The following DNAJC1 variants were observed in gnomAD, a reference collection of about 807,000 sequenced individuals.
DNAJC1 encodes DnaJ heat shock protein family (Hsp40) member C1, also known as dnaJ homolog subfamily C member 1.
Under a neutral mutation model 76.6 loss-of-function variants are expected in DNAJC1, and 58 were observed. The ratio of observed to expected loss-of-function variants is 0.76; its 90% CI spans 0.61 to 0.94. The LOEUF (loss-of-function observed/expected upper bound fraction) is 0.94. Ranked by LOEUF, DNAJC1 falls within the 40% of genes least tolerant of loss-of-function variation. DNAJC1 has a pLI of 0.00. For missense variants in DNAJC1, 689 were observed against 677.3 expected (o/e 1.02, Z -0.19); for synonymous variants, 258 against 267.9 (o/e 0.96, Z 0.36).
chr10:21,756,754 T>C lies in DNAJC1; in HGVS notation c.1598A>G (p.Glu533Gly). 1.2e-6 allele frequency: 2 copies of C among 1,613,056 alleles called. No individual in the cohort carries two copies. Among genetic ancestry groups the C allele is most frequent in the Non-Finnish European group, 1.7e-6 (2 of 1,179,918 alleles). ...CAACTTGTACCTAGCGATACAGTCTTCCTGTAGGAAGAAAAAAAGAGAGGT... is the reference window on the plus strand; with the variant it reads ...CAACTTGTACCTAGCGATACAGTCTCCCTGTAGGAAGAAAAAAAGAGAGGT... ...IARCVPSKSK[E>G]DCIARYKLLV... The change falls in exon 12 of 12, where the codon GAA becomes GGA. Residue 533 changes from glutamate to glycine, a missense_variant and splice_region_variant. Transcript: ENST00000376980.
chr10:21,794,211 AG>A (rs1311051414), intron 9 of DNAJC1, among the ~76,000 whole-genome samples: 1 of 148,542 alleles, frequency 6.7e-6, no homozygotes, highest in Non-Finnish European at 1.5e-5. Context: ...TCAAAGTTTC[AG>A]TTATCTATGA....
intron 9 of DNAJC1, among the ~76,000 whole-genome samples, chr10:21,788,778 C>T (rs1345818578): frequency 2.6e-5 from 4 of 152,164 alleles, no homozygotes; most frequent in Admixed American, 6.5e-5. Flanking sequence ...AAGCCATATC[C>T]TGGCCTAGGC....
intron 8 of DNAJC1, among the ~76,000 whole-genome samples, chr10:21,861,935 T>A (rs1046592595): frequency 6.6e-6 from 1 of 152,110 alleles, no homozygotes; most frequent in Non-Finnish European, 1.5e-5. Flanking sequence ...TTATTTATTT[T>A]GAGATGGAGT....
intron 1 of DNAJC1, among the ~76,000 whole-genome samples, chr10:21,977,814 T>C (rs1564843247): frequency 6.6e-6 from 1 of 152,154 alleles, no homozygotes; most frequent in African/African-American, 2.4e-5. Flanking sequence ...TCCTAATCAG[T>C]GTTTTCTCTC....
intron 8 of DNAJC1, among the ~76,000 whole-genome samples, chr10:21,839,005 G>C (rs1590007116): frequency 1.3e-5 from 2 of 152,192 alleles, no homozygotes; most frequent in African/African-American, 2.4e-5. Flanking sequence ...TGACTACTGG[G>C]TAAATAAAGA....
chr10:21,821,359 C>T lies in DNAJC1; in HGVS notation c.979-15260G>A, dbSNP rs563955388. Among the ~76,000 whole-genome samples the T allele has an allele frequency of 2.1e-3, 315 of 152,282 alleles. 1 individual carries two copies. The highest frequency in any genetic ancestry group is 3.7e-3 in the Non-Finnish European group (249 of 68,020). On this transcript the variant is annotated intron_variant, in intron 8 of 11. Coordinates refer to ENST00000376980, the MANE Select transcript of DNAJC1 (RefSeq NM_022365.4). ...ATATATACAGTGGTATATAGTTTTA[C>T]TAAAATTACATTATATTATGATGGC...
At chr10:21,893,375 C>G (rs184020825) in intron 7 of DNAJC1, among the ~76,000 whole-genome samples, 1 of 152,176 alleles carries the variant, frequency 6.6e-6, no homozygotes, top group Admixed American at 6.5e-5. Flanking sequence ...AGCTGTAATT[C>G]GAGCACTTTG....
At chr10:21,757,897 T>G (rs1233840502) in intron 11 of DNAJC1, among the ~76,000 whole-genome samples, 1 of 152,204 alleles carries the variant, frequency 6.6e-6, no homozygotes, top group African/African-American at 2.4e-5. Context: ...TATGAGTTTC[T>G]GGGTGTTCTA....
chr10:22,003,360 C>T lies in DNAJC1; in HGVS notation c.75G>A (p.Pro25=). Residue 25 remains proline, a synonymous_variant, in exon 1 of 12, where the codon CCG becomes CCA. Coordinates refer to ENST00000376980, the MANE Select transcript of DNAJC1 (RefSeq NM_022365.4). Reference sequence around the variant, plus strand: ...GCCACAGCAGCGGCGTCCGCGGCGGCGGCGGCGGGAACGGCACCAGCCCGA... The same window carrying T: ...GCCACAGCAGCGGCGTCCGCGGCGGTGGCGGCGGGAACGGCACCAGCCCGA... ...RQLGLVPFPP[P]PPRTPLLWLL... 1 of 1,413,210 alleles carries T rather than the reference C, an allele frequency of 7.1e-7. No homozygotes were observed. The highest frequency in any genetic ancestry group is 9.2e-7 in the Non-Finnish European group (1 of 1,087,330). The allele number at this position is 1,413,210 out of a possible 1,614,324, so 87.5% of individuals were successfully genotyped here.
At chr10:21,834,845 G>A (rs915700945) in intron 8 of DNAJC1, among the ~76,000 whole-genome samples, 3 of 152,166 alleles carry the variant, frequency 2.0e-5, no homozygotes, top group Non-Finnish European at 2.9e-5. Flanking sequence ...GAACAGGGTG[G>A]AGCCCACCAC....
chr10:21,844,864 T>G (rs792458), intron 8 of DNAJC1, among the ~76,000 whole-genome samples: 85,443 of 152,002 alleles, frequency 0.56, 26,607 homozygotes, highest in East Asian at 0.95. Context: ...AGACCCTGTC[T>G]CTGCAAAAAA....
At chr10:21,762,766 C>T (rs540181745) in intron 10 of DNAJC1, among the ~76,000 whole-genome samples, 2 of 152,112 alleles carry the variant, frequency 1.3e-5, no homozygotes, top group Non-Finnish European at 2.9e-5. Flanking sequence ...TACACCATCA[C>T]GCCTGGCTGT....
intron 6 of DNAJC1, among the ~76,000 whole-genome samples, chr10:21,905,867 A>G (rs1004073269): frequency 8.5e-5 from 13 of 152,190 alleles, no homozygotes; most frequent in Admixed American, 2.0e-4. Context: ...TTCTCAGACC[A>G]TAAGATTCCT....
At chr10:21,877,242 T>C (rs1252212818) in intron 8 of DNAJC1, among the ~76,000 whole-genome samples, 1 of 151,892 alleles carries the variant, frequency 6.6e-6, no homozygotes, top group Non-Finnish European at 1.5e-5. Flanking sequence ...TCACTGTCCT[T>C]CAGCCTGAGT....
chr10:21,806,228 A>T (rs1478672675), intron 8 of DNAJC1, 129 bp from the exon 9 acceptor site: 1 of 987,942 alleles, frequency 1.0e-6, no homozygotes, highest in African/African-American at 1.6e-5. Flanking sequence ...TTTCTGTAAA[A>T]AACAATACTA....
intron 9 of DNAJC1, among the ~76,000 whole-genome samples, chr10:21,805,439 GACACACACACAC>G (rs10657199): frequency 7.0e-6 from 1 of 142,862 alleles, no homozygotes; most frequent in Admixed American, 7.1e-5. Context: ...GTTACGTATG[GACACACACACAC>G]ACACACACAC....
chr10:21,961,810 T>C (rs1837796625), intron 1 of DNAJC1, among the ~76,000 whole-genome samples: 1 of 152,168 alleles, frequency 6.6e-6, no homozygotes. Flanking sequence ...GTCTTTTAAA[T>C]GGCATCTGAA....
chr10:21,776,643 T>G (rs1448189599), intron 9 of DNAJC1, among the ~76,000 whole-genome samples: 1 of 152,164 alleles, frequency 6.6e-6, no homozygotes, highest in Non-Finnish European at 1.5e-5. Context: ...TGTTTCCAAC[T>G]GGTAGAAAGC....
At chr10:21,758,260 G>T (rs1834199277) in intron 11 of DNAJC1, among the ~76,000 whole-genome samples, 1 of 152,170 alleles carries the variant, frequency 6.6e-6, no homozygotes, top group African/African-American at 2.4e-5. Context: ...GGCGACTGAG[G>T]GAGGCACAGA....
Sources: allele counts gnomAD v4.1 joint callset (sites outside exome capture counted in the v4.1 genomes callset), GRCh38; gene constraint gnomAD v4.1.1; transcripts MANE v1.5; gene names NCBI Gene and HGNC (gene_info 2026-07-23, HGNC 2026-07-21).